Variants in HMCN1 observed in about 807,000 individuals in gnomAD.
The protein encoded by HMCN1 is hemicentin-1.
A neutral mutation model predicts 625.9 loss-of-function variants in HMCN1; 321 were observed. That is an observed-to-expected ratio of 0.51 (90% CI 0.47 to 0.56). The LOEUF (loss-of-function observed/expected upper bound fraction) is 0.56. Ranked by LOEUF, HMCN1 falls within the 20% of genes least tolerant of loss-of-function variation. The probability of loss-of-function intolerance (pLI) is 0.00; values close to 1 mark genes in which losing one functional copy is unlikely to be tolerated. For missense variants in HMCN1, 6,588 were observed against 6,887.3 expected (o/e 0.96, Z 1.54); for synonymous variants, 2,425 against 2,417.6 (o/e 1.00, Z -0.09).
intron 97 of HMCN1, among the ~76,000 whole-genome samples, chr1:186,160,622 C>T (rs376446529): frequency 1.3e-5 from 2 of 151,970 alleles, no homozygotes; most frequent in African/African-American, 4.8e-5. Context: ...TATGTTGTGT[C>T]TTTGTTTTCG....
chr1:186,138,307 A>G (rs1293150979), intron 89 of HMCN1, among the ~76,000 whole-genome samples: 2 of 152,328 alleles, frequency 1.3e-5, no homozygotes, highest in East Asian at 3.9e-4. Context: ...GAGAAAAATG[A>G]ACCCTAGAGA....
chr1:186,096,709 G>A (rs768985514), intron 68 of HMCN1, among the ~76,000 whole-genome samples: 8 of 152,112 alleles, frequency 5.3e-5, no homozygotes, highest in Non-Finnish European at 1.2e-4. Context: ...GATCAAGTGG[G>A]TTGCATTCCA....
chr1:185,912,085 AG>A (rs1666456157), intron 6 of HMCN1, among the ~76,000 whole-genome samples: 1 of 152,174 alleles, frequency 6.6e-6, no homozygotes, highest in South Asian at 2.1e-4. Context: ...TCAGAGATGG[AG>A]CCAACACAGA....
intron 11 of HMCN1, among the ~76,000 whole-genome samples, chr1:185,951,012 C>G (rs1277604693): frequency 1.3e-5 from 2 of 151,322 alleles, no homozygotes; most frequent in African/African-American, 4.9e-5. Context: ...AGGCTTTAAT[C>G]TTTTTAAAGC....
At chr1:185,886,832 CT>C (rs1391564667) in intron 4 of HMCN1, among the ~76,000 whole-genome samples, 1 of 152,100 alleles carries the variant, frequency 6.6e-6, no homozygotes, top group Non-Finnish European at 1.5e-5. Flanking sequence ...CGCCCTGCCC[CT>C]GTTCTAAAAA....
chr1:185,993,057 T>C (rs1240038519), intron 22 of HMCN1, 125 bp from the exon 23 acceptor site: 1 of 846,746 alleles, frequency 1.2e-6, no homozygotes, highest in African/African-American at 1.7e-5. Context: ...TAGATGTACA[T>C]TGCAGATGGG....
intron 21 of HMCN1, among the ~76,000 whole-genome samples, chr1:185,990,066 T>C (rs555120959): frequency 2.0e-5 from 3 of 152,282 alleles, no homozygotes; most frequent in Admixed American, 6.5e-5. Context: ...CATTGTGTTC[T>C]AAAAGGAATT....
chr1:186,089,589 C>T (rs1659723327), intron 63 of HMCN1, among the ~76,000 whole-genome samples: 1 of 151,968 alleles, frequency 6.6e-6, no homozygotes, highest in African/African-American at 2.4e-5. Flanking sequence ...GATTCAACGT[C>T]AGAAGTTGCA....
chr1:186,103,714 C>T, intron 69 of HMCN1, 46 bp downstream of exon 69: 1 of 1,484,012 alleles, frequency 6.7e-7, no homozygotes, highest in Non-Finnish European at 9.4e-7. Context: ...GGTCAAACTT[C>T]TCACTTGCTA....
At chr1:186,001,227 C>T in intron 26 of HMCN1, 71 bp from the exon 27 acceptor site, 1 of 1,325,170 alleles carries the variant, frequency 7.5e-7, no homozygotes, top group South Asian at 1.2e-5. Context: ...TGTATAAAGG[C>T]CCTTATAAAG....
chr1:186,152,747 C>T lies in HMCN1; in HGVS notation c.14897-3C>T. 6.2e-7 allele frequency: 1 copy of T among 1,613,634 alleles called. No homozygotes were observed. Among genetic ancestry groups the T allele is most frequent in the Non-Finnish European group, 8.5e-7 (1 of 1,179,672 alleles). ...GTCAAAATGAATGTCTTGTAATTCCCAGGAGAAATCTTGCAGATGAGTCAT... is the reference window on the plus strand; with the variant it reads ...GTCAAAATGAATGTCTTGTAATTCCTAGGAGAAATCTTGCAGATGAGTCAT... On this transcript the variant is annotated splice_polypyrimidine_tract_variant and splice_region_variant and intron_variant, in intron 95 of 106. Coordinates refer to ENST00000271588, the MANE Select transcript of HMCN1 (RefSeq NM_031935.3).
intron 1 of HMCN1, among the ~76,000 whole-genome samples, chr1:185,771,367 G>C (rs1031315657): frequency 6.6e-6 from 1 of 152,132 alleles, no homozygotes; most frequent in African/African-American, 2.4e-5. Context: ...AATGTAACCT[G>C]TTCATTATTT....
intron 1 of HMCN1, among the ~76,000 whole-genome samples, chr1:185,835,060 G>A (rs1356290203): frequency 6.6e-6 from 1 of 152,186 alleles, no homozygotes; most frequent in African/African-American, 2.4e-5. Context: ...TAATTGTTAT[G>A]AATGGATATC....
In HMCN1 at chr1:186,114,001, C is replaced by T. The variant is rs373652814; in HGVS notation, c.11154C>T (p.Gly3718=). ...CAGTTCCTCCAAACATAAAGGGGGG[C>T]CCCCAGAGCCTTGTAATTCTTTTAA... is the stretch of plus-strand genomic sequence containing the variant. ...TVNVPPNIKG[G]PQSLVILLNK... The change falls in exon 73 of 107, where the codon GGC becomes GGT. Residue 3718 remains glycine, a synonymous_variant. Transcript: ENST00000271588. The T allele has an allele frequency of 1.9e-6, 3 of 1,614,012 alleles. No homozygotes were observed. Among genetic ancestry groups the T allele is most frequent in the Non-Finnish European group, 2.5e-6 (3 of 1,179,940 alleles).
At chr1:186,092,165 T>A (rs1364822719) in intron 64 of HMCN1, among the ~76,000 whole-genome samples, 1 of 151,910 alleles carries the variant, frequency 6.6e-6, no homozygotes, top group African/African-American at 2.4e-5. Flanking sequence ...CTAAATTTAC[T>A]TATTCTTTTA....
chr1:185,744,234 T>C (rs1307718140), intron 1 of HMCN1, among the ~76,000 whole-genome samples: 2 of 151,952 alleles, frequency 1.3e-5, no homozygotes, highest in Non-Finnish European at 2.9e-5. Flanking sequence ...GACCTTGTGA[T>C]CCACCCACGT....
chr1:185,807,034 A>G (rs1659217509), intron 1 of HMCN1, among the ~76,000 whole-genome samples: 1 of 152,130 alleles, frequency 6.6e-6, no homozygotes, highest in Non-Finnish European at 1.5e-5. Context: ...AGAATTTGGG[A>G]TTATAGTAGT....
At chr1:185,774,921 A>G (rs1006745949) in intron 1 of HMCN1, among the ~76,000 whole-genome samples, 13 of 152,196 alleles carry the variant, frequency 8.5e-5, no homozygotes, top group Admixed American at 3.9e-4. Flanking sequence ...GGGGTGGGCA[A>G]ACACTTAATT....
At chr1:186,091,804 G>T (rs1659857554) in intron 64 of HMCN1, among the ~76,000 whole-genome samples, 1 of 151,904 alleles carries the variant, frequency 6.6e-6, no homozygotes, top group Admixed American at 6.6e-5. Flanking sequence ...AAATTTAAGG[G>T]TTTGGAGTAT....
Sources: gnomAD v4.1 joint callset for allele counts (sites outside exome capture counted in the v4.1 genomes callset) on GRCh38, gnomAD v4.1.1 for gene constraint, MANE v1.5 for transcripts, NCBI Gene and HGNC (gene_info 2026-07-23, HGNC 2026-07-21) for gene names.